The following RBFOX1 variants were observed in gnomAD, a reference collection of about 807,000 sequenced individuals.
The protein encoded by RBFOX1 is RNA binding protein fox-1 homolog 1.
A neutral mutation model predicts 57.7 loss-of-function variants in RBFOX1; 8 were observed. The ratio of observed to expected loss-of-function variants is 0.14; its 90% CI spans 0.08 to 0.25. RBFOX1 has a LOEUF of 0.25. RBFOX1 is among the 10% of genes least tolerant of loss of function. The pLI, the probability that RBFOX1 is intolerant of heterozygous loss-of-function variation, is 1.00. For missense variants in RBFOX1, 611 were observed against 548.5 expected, an observed-to-expected ratio of 1.11 and a Z score of -1.14; for synonymous variants, 326 against 222.4, an observed-to-expected ratio of 1.47 and a Z score of -4.15.
At chr16:7,606,027 C>G (rs537291938) in intron 9 of RBFOX1, among the ~76,000 whole-genome samples, 1 of 151,984 alleles carries the variant, frequency 6.6e-6, no homozygotes, top group East Asian at 1.9e-4. Flanking sequence ...AGGCTGCTCT[C>G]TGGAAACTCC....
chr16:7,021,526 T>G (rs2039078625), intron 3 of RBFOX1, among the ~76,000 whole-genome samples: 1 of 145,866 alleles, frequency 6.9e-6, no homozygotes, highest in Admixed American at 6.9e-5. Flanking sequence ...TTATAAAATT[T>G]ATAAAATTTT....
intron 1 of RBFOX1, among the ~76,000 whole-genome samples, chr16:5,432,783 T>A (rs2067793088): frequency 6.6e-6 from 1 of 151,888 alleles, no homozygotes; most frequent in Non-Finnish European, 1.5e-5. Context: ...TTTTTCTTTG[T>A]TTCTTTTCTT....
chr16:7,416,397 A>G (rs1052943888), intron 4 of RBFOX1, among the ~76,000 whole-genome samples: 3 of 152,112 alleles, frequency 2.0e-5, no homozygotes, highest in Non-Finnish European at 2.9e-5. Context: ...CTTCTCTCTC[A>G]TGCTTACTGA....
At chr16:6,063,535 C>G (rs2095717255) in intron 1 of RBFOX1, among the ~76,000 whole-genome samples, 2 of 151,282 alleles carry the variant, frequency 1.3e-5, no homozygotes, top group Non-Finnish European at 2.9e-5. Flanking sequence ...TAGTACCTTC[C>G]TCACTGATCA....
intron 3 of RBFOX1, among the ~76,000 whole-genome samples, chr16:6,938,538 A>G (rs915862309): frequency 1.3e-5 from 2 of 150,418 alleles, no homozygotes; most frequent in Non-Finnish European, 2.9e-5. Context: ...CTAACATTCT[A>G]GCATTACCAG....
chr16:6,953,628 C>A (rs940004873), intron 3 of RBFOX1, among the ~76,000 whole-genome samples: 24 of 152,158 alleles, frequency 1.6e-4, no homozygotes, highest in Admixed American at 1.2e-3. Flanking sequence ...TTGAAGTGAT[C>A]CACTCATCTC....
chr16:6,791,103 T>C (rs530903473), intron 3 of RBFOX1, among the ~76,000 whole-genome samples: 1 of 152,072 alleles, frequency 6.6e-6, no homozygotes, highest in Non-Finnish European at 1.5e-5. Context: ...GATGGGGTTT[T>C]GCCATCTTGG....
chr16:7,164,512 G>A (rs886314878), intron 4 of RBFOX1, among the ~76,000 whole-genome samples: 2 of 152,130 alleles, frequency 1.3e-5, no homozygotes, highest in African/African-American at 4.8e-5. Flanking sequence ...AATGATATGT[G>A]TCTTTTGCAA....
chr16:5,783,850 A>G (rs2054406802), intron 3 of RBFOX1, among the ~76,000 whole-genome samples: 1 of 152,188 alleles, frequency 6.6e-6, no homozygotes, highest in Admixed American at 6.6e-5. Flanking sequence ...TTGCTCATCT[A>G]CAAAGTAAGG....
intron 1 of RBFOX1, among the ~76,000 whole-genome samples, chr16:5,373,527 C>G (rs62017736): frequency 2.6e-5 from 4 of 152,182 alleles, no homozygotes; most frequent in African/African-American, 7.2e-5. Flanking sequence ...CCTTCCACCC[C>G]GATTGTAAGT....
At chr16:6,126,824 G>T (rs747770443) in intron 1 of RBFOX1, among the ~76,000 whole-genome samples, 3 of 152,132 alleles carry the variant, frequency 2.0e-5, no homozygotes, top group Non-Finnish European at 4.4e-5. Flanking sequence ...GGAAGGAAAA[G>T]ACATTAAAAA....
chr16:7,559,259 A>G (rs1034727382), intron 5 of RBFOX1, among the ~76,000 whole-genome samples: 1 of 152,230 alleles, frequency 6.6e-6, no homozygotes, highest in African/African-American at 2.4e-5. Flanking sequence ...TATATCTGCC[A>G]TGAAATTCTG....
intron 11 of RBFOX1, among the ~76,000 whole-genome samples, chr16:7,650,152 G>T (rs111769793): frequency 1.3e-5 from 2 of 152,168 alleles, no homozygotes; most frequent in South Asian, 4.2e-4. Context: ...GAATGTGATC[G>T]ATGAGCATTT....
chr16:7,572,653 C>T (rs867809541), intron 5 of RBFOX1, among the ~76,000 whole-genome samples: 15 of 152,200 alleles, frequency 9.9e-5, no homozygotes, highest in African/African-American at 2.4e-4. Flanking sequence ...TCCTGGCTAA[C>T]GCGGTGAAAC....
chr16:7,142,498 C>A (rs997531734), intron 4 of RBFOX1, among the ~76,000 whole-genome samples: 1 of 152,136 alleles, frequency 6.6e-6, no homozygotes. Context: ...GTGTCCTACC[C>A]CTGAGTGTTT....
intron 3 of RBFOX1, among the ~76,000 whole-genome samples, chr16:6,940,360 A>G (rs1385852886): frequency 6.6e-6 from 1 of 152,178 alleles, no homozygotes; most frequent in African/African-American, 2.4e-5. Context: ...CTCAAACTAC[A>G]TTGCTCACTT....
chr16:5,846,757 A>G (rs751931278), intron 3 of RBFOX1, among the ~76,000 whole-genome samples: 1 of 152,236 alleles, frequency 6.6e-6, no homozygotes, highest in Non-Finnish European at 1.5e-5. Flanking sequence ...CAGTCTTTGC[A>G]TGATGGGTGG....
At chr16:5,664,691 C>A (rs1299576528) in intron 3 of RBFOX1, among the ~76,000 whole-genome samples, 2 of 152,174 alleles carry the variant, frequency 1.3e-5, no homozygotes, top group East Asian at 3.9e-4. Flanking sequence ...CTTTGAGTAT[C>A]AGAAAATCAG....
At chr16:6,418,988 T>A (rs906930643) in intron 2 of RBFOX1, among the ~76,000 whole-genome samples, 3 of 152,148 alleles carry the variant, frequency 2.0e-5, no homozygotes, top group African/African-American at 4.8e-5. Flanking sequence ...GCTTGGAAAC[T>A]TTTCCCCAGA....
Sources: allele counts gnomAD v4.1 joint callset (sites outside exome capture counted in the v4.1 genomes callset), GRCh38; gene constraint gnomAD v4.1.1; transcripts MANE v1.5; gene names NCBI Gene and HGNC (gene_info 2026-07-23, HGNC 2026-07-21).